Variants in STAG1 observed in about 807,000 individuals in gnomAD.
STAG1 encodes cohesin subunit SA-1.
In STAG1, 26 loss-of-function variants were observed where a neutral mutation model predicts 170.9. The ratio of observed to expected loss-of-function variants is 0.15; its 90% CI spans 0.11 to 0.21. The LOEUF (loss-of-function observed/expected upper bound fraction) is 0.21. Ranked by LOEUF, STAG1 falls within the 10% of genes least tolerant of loss-of-function variation. The pLI is 1.00. For synonymous variants in STAG1, 514 were observed against 497.7 expected (o/e 1.03, Z -0.44); for missense variants, 964 against 1,509.5 (o/e 0.64, Z 5.99).
At chr3:136,737,213 C>A in intron 1 of STAG1, 2 of 672,448 alleles carry the variant, frequency 3.0e-6, no homozygotes, top group South Asian at 2.8e-5. Flanking sequence ...GTCCCGCTCT[C>A]TCCTGAAGCC....
chr3:136,348,584 T>C (rs183860102), intron 29 of STAG1, among the ~76,000 whole-genome samples: 1 of 152,150 alleles, frequency 6.6e-6, no homozygotes, highest in African/African-American at 2.4e-5. Flanking sequence ...TTTTTTTTTC[T>C]TAGAGATGGG....
intron 1 of STAG1, among the ~76,000 whole-genome samples, chr3:136,637,810 T>C (rs756622681): frequency 7.2e-5 from 11 of 152,100 alleles, no homozygotes; most frequent in Admixed American, 2.6e-4. Context: ...TAAAGGAATG[T>C]AAGTTTCATG....
intron 9 of STAG1, among the ~76,000 whole-genome samples, chr3:136,485,827 C>T (rs1024037911): frequency 6.6e-6 from 1 of 152,160 alleles, no homozygotes; most frequent in Non-Finnish European, 1.5e-5. Context: ...TTTATGCATA[C>T]TGGTTTATAA....
chr3:136,596,748 T>C (rs1461881726), intron 4 of STAG1, among the ~76,000 whole-genome samples: 1 of 152,218 alleles, frequency 6.6e-6, no homozygotes, highest in African/African-American at 2.4e-5. Flanking sequence ...TACTGGTACC[T>C]AGAATTCTAG....
At chr3:136,512,096 TAAAAAAA>T (rs35238532) in intron 7 of STAG1, among the ~76,000 whole-genome samples, 34 of 68,302 alleles carry the variant, frequency 5.0e-4, no homozygotes, top group African/African-American at 1.2e-3. Flanking sequence ...CTCTACAAAA[TAAAAAAA>T]AAAAAAAAAA....
At chr3:136,696,663 A>G (rs1942901863) in intron 1 of STAG1, among the ~76,000 whole-genome samples, 1 of 152,150 alleles carries the variant, frequency 6.6e-6, no homozygotes, top group African/African-American at 2.4e-5. Context: ...CTTACTGCTC[A>G]ATTTTGCTGT....
At chr3:136,358,961 G>A (rs550654930) in intron 27 of STAG1, among the ~76,000 whole-genome samples, 187 bp downstream of exon 27, 1 of 152,280 alleles carries the variant, frequency 6.6e-6, no homozygotes, top group Admixed American at 6.5e-5. Flanking sequence ...TTTGTAAGAT[G>A]AACAAATGGG....
At chr3:136,495,150 T>A (rs1055346864) in intron 9 of STAG1, among the ~76,000 whole-genome samples, 1 of 152,190 alleles carries the variant, frequency 6.6e-6, no homozygotes, top group Non-Finnish European at 1.5e-5. Context: ...GTGTTTATGG[T>A]CAATTCATCT....
rs138587299 is a variant in STAG1 at position 136,553,330 on chromosome 3, G to A, written c.395-11135C>T. On this transcript the variant is annotated intron_variant, in intron 5 of 33. Coordinates refer to ENST00000383202, the MANE Select transcript of STAG1 (RefSeq NM_005862.3). ...AAATTTACACAAAGTTCCTGAAGGA[G>A]AAGATAAATAAAATGGAAAGAAAAT... is the stretch of plus-strand genomic sequence containing the variant. 3.9e-3 allele frequency among the ~76,000 whole-genome samples: 597 copies of A among 152,210 alleles called. 2 individuals are homozygous for A. The highest frequency in any genetic ancestry group is 0.031 in the Middle Eastern group (9 of 294).
rs537034930 is a variant in STAG1 at position 136,652,491 on chromosome 3, C to T, written c.-83-21510G>A. Among the ~76,000 whole-genome samples, 9 of 152,244 alleles carry T rather than the reference C, an allele frequency of 5.9e-5. No individual in the cohort carries two copies. In the South Asian group the frequency reaches 1.9e-3, roughly 32 times the overall value. ...AACTTGAAACTCATTCCATAAAGTT[C>T]AGAACACTACAAAGACGCCTATTAC... On this transcript the variant is annotated intron_variant, in intron 1 of 33. Coordinates refer to ENST00000383202, the MANE Select transcript of STAG1 (RefSeq NM_005862.3).
intron 23 of STAG1, among the ~76,000 whole-genome samples, chr3:136,370,356 TTTA>T (rs1159256698): frequency 6.6e-6 from 1 of 152,018 alleles, no homozygotes; most frequent in Non-Finnish European, 1.5e-5. Flanking sequence ...TTTTTTTAAT[TTTA>T]TTATTATATT....
At chr3:136,390,135 A>G (rs2086970802) in intron 22 of STAG1, among the ~76,000 whole-genome samples, 1 of 151,832 alleles carries the variant, frequency 6.6e-6, no homozygotes, top group African/African-American at 2.4e-5. Flanking sequence ...CCGGCCCCTT[A>G]TGCTATTTTT....
chr3:136,550,566 C>A (rs187794347), intron 5 of STAG1, among the ~76,000 whole-genome samples: 75 of 152,262 alleles, frequency 4.9e-4, no homozygotes, highest in Non-Finnish European at 3.2e-4. Context: ...CTCAGCCTCA[C>A]AAATTGCTGG....
chr3:136,577,808 G>A (rs1937511538), intron 4 of STAG1, among the ~76,000 whole-genome samples: 1 of 152,224 alleles, frequency 6.6e-6, no homozygotes, highest in Admixed American at 6.5e-5. Flanking sequence ...TACCAAAGGA[G>A]GTGGTATAAA....
chr3:136,740,036 C>A (rs1027271934), intron 1 of STAG1, among the ~76,000 whole-genome samples: 1 of 152,088 alleles, frequency 6.6e-6, no homozygotes, highest in Non-Finnish European at 1.5e-5. Flanking sequence ...TTTGCTTTTT[C>A]TTTTCTTTGT....
intron 1 of STAG1, among the ~76,000 whole-genome samples, chr3:136,689,265 C>A (rs1942636473): frequency 6.6e-6 from 1 of 152,144 alleles, no homozygotes; most frequent in South Asian, 2.1e-4. Flanking sequence ...GGATAAAATT[C>A]AATTGCCAAA....
intron 21 of STAG1, among the ~76,000 whole-genome samples, chr3:136,409,305 C>G (rs1217877951): frequency 6.6e-6 from 1 of 151,934 alleles, no homozygotes; most frequent in Non-Finnish European, 1.5e-5. Flanking sequence ...TAATAAGTCA[C>G]AATCTATCCA....
intron 1 of STAG1, among the ~76,000 whole-genome samples, chr3:136,668,580 C>G (rs1318396043): frequency 1.3e-5 from 2 of 151,770 alleles, no homozygotes; most frequent in African/African-American, 4.8e-5. Context: ...CTTCAGGCTG[C>G]AATGCAGGCT....
Position 136,488,899 on chromosome 3 carries a change from T to C in STAG1, c.902+11324A>G, listed in dbSNP as rs533068231. ...TAAATTTATTTTTAAACAACTAATC[T>C]CTATTTCCAATAGCCTCACCCCATT... On this transcript the variant is annotated intron_variant, in intron 9 of 33. Transcript: ENST00000383202. Among the ~76,000 whole-genome samples, 28 of 152,346 alleles carry C rather than the reference T, an allele frequency of 1.8e-4. No homozygotes were observed. The South Asian group carries it at 5.8e-3, about 32-fold the overall frequency.
Sources: gnomAD v4.1 joint callset for allele counts (sites outside exome capture counted in the v4.1 genomes callset) on GRCh38, gnomAD v4.1.1 for gene constraint, MANE v1.5 for transcripts, NCBI Gene and HGNC (gene_info 2026-07-23, HGNC 2026-07-21) for gene names.